Variants in RBM19 observed in about 807,000 individuals in gnomAD.
RBM19 encodes RNA binding motif protein 19.
Under a neutral mutation model 116.8 loss-of-function variants are expected in RBM19, and 94 were observed. The ratio of observed to expected loss-of-function variants is 0.80; its 90% CI spans 0.68 to 0.95. The LOEUF is 0.95. Ranked by LOEUF, RBM19 falls within the 40% of genes least tolerant of loss-of-function variation. The probability of loss-of-function intolerance (pLI) is 0.00; values close to 1 mark genes in which losing one functional copy is unlikely to be tolerated. For missense variants in RBM19, 1,161 were observed against 1,220.7 expected (o/e 0.95, Z 0.73); for synonymous variants, 475 against 494.1 (o/e 0.96, Z 0.51).
At chr12:113,966,094 G>T in intron 1 of RBM19, 98 bp downstream of exon 1, 2 of 1,495,028 alleles carry the variant, frequency 1.3e-6, no homozygotes, top group African/African-American at 1.4e-5. Context: ...TCCTGCCCCA[G>T]AGCAAAAATT....
At chr12:113,879,771 T>TC (rs1485293853) in intron 21 of RBM19, among the ~76,000 whole-genome samples, 18 of 151,976 alleles carry the variant, frequency 1.2e-4, no homozygotes, top group African/African-American at 3.4e-4. Context: ...GCAGGAACCC[T>TC]CCTTAGCCTA....
Position 113,909,100 on chromosome 12 carries a change from G to A in RBM19, c.2558+5869C>T, listed in dbSNP as rs114495748. Among the ~76,000 whole-genome samples the A allele has an allele frequency of 1.4e-3, 213 of 152,278 alleles. 1 individual carries two copies. The highest frequency in any genetic ancestry group is 5.1e-3 in the African/African-American group (210 of 41,558). On this transcript the variant is annotated intron_variant, in intron 21 of 23. Coordinates refer to ENST00000261741, the MANE Select transcript of RBM19 (RefSeq NM_016196.4). ...CAGGAGTTAGTCAGTGGAAGAGTGT[G>A]CTGGCGTGTGCTGAAGGCCTCATTT...
intron 21 of RBM19, among the ~76,000 whole-genome samples, chr12:113,890,635 T>G (rs1477066724): frequency 6.6e-6 from 1 of 152,154 alleles, no homozygotes; most frequent in African/African-American, 2.4e-5. Context: ...AGAGACTGGT[T>G]GAAAAACAAA....
intron 22 of RBM19, among the ~76,000 whole-genome samples, chr12:113,856,214 G>T (rs11066791): frequency 1.3e-5 from 2 of 152,106 alleles, no homozygotes; most frequent in Admixed American, 1.3e-4. Context: ...AAGGGATGGA[G>T]GGGGAGGAGC....
In RBM19 at chr12:113,959,846, G is replaced by A; in HGVS notation, c.378+19C>T. 6.2e-7 allele frequency: 1 copy of A among 1,613,750 alleles called. No homozygotes were observed. ...TGCTGCCCACCCTCTCTCCTCCTTG[G>A]GCAACAGGACAGACTCACCTTCTCC... On this transcript the variant is annotated intron_variant, in intron 4 of 23. Transcript: ENST00000261741.
chr12:113,877,352 C>T (rs1462954234), intron 21 of RBM19, among the ~76,000 whole-genome samples: 1 of 152,172 alleles, frequency 6.6e-6, no homozygotes, highest in Admixed American at 6.5e-5. Context: ...GTATCTATGG[C>T]CCCCACTACC....
intron 7 of RBM19, among the ~76,000 whole-genome samples, chr12:113,952,957 A>C (rs1296238736): frequency 6.6e-6 from 1 of 152,162 alleles, no homozygotes; most frequent in Non-Finnish European, 1.5e-5. Context: ...TAGTTTTGCA[A>C]GTAGCCACCT....
In RBM19 at chr12:113,824,853, A is replaced by AGTCT. The variant is rs1389588217; in HGVS notation, c.2786-1533_2786-1532insAGAC. Reference sequence around the variant, plus strand: ...CAAGTACCTCTCAGCCCCTCACTAGAGACCCCCCTCCCACCAAGGGATCCC... The same window carrying AGTCT: ...CAAGTACCTCTCAGCCCCTCACTAGAGTCTGACCCCCCTCCCACCAAGGGATCCC... On this transcript the variant is annotated intron_variant, in intron 23 of 23. Coordinates refer to ENST00000261741, the MANE Select transcript of RBM19 (RefSeq NM_016196.4). 2.6e-5 allele frequency among the ~76,000 whole-genome samples: 4 copies of AGTCT among 152,068 alleles called. No homozygotes were observed. The East Asian group carries it at 7.8e-4, about 30-fold the overall frequency.
At chr12:113,916,687 C>G (rs1044529834) in intron 20 of RBM19, among the ~76,000 whole-genome samples, 8 of 152,196 alleles carry the variant, frequency 5.3e-5, no homozygotes, top group Non-Finnish European at 2.9e-5. Flanking sequence ...GACACTCAAG[C>G]GGTCCCAGAA....
chr12:113,869,431 G>A (rs888608042), intron 21 of RBM19, among the ~76,000 whole-genome samples: 3 of 152,204 alleles, frequency 2.0e-5, no homozygotes, highest in East Asian at 1.9e-4. Flanking sequence ...ATGGAGGCAC[G>A]ATTTCTGGCC....
At chr12:113,860,582 C>G (rs1878283734) in intron 21 of RBM19, among the ~76,000 whole-genome samples, 1 of 152,218 alleles carries the variant, frequency 6.6e-6, no homozygotes, top group Admixed American at 6.5e-5. Flanking sequence ...CATGGAAGAC[C>G]AGGCTGGGTG....
chr12:113,904,727 G>A (rs768578166), intron 21 of RBM19, among the ~76,000 whole-genome samples: 1 of 152,184 alleles, frequency 6.6e-6, no homozygotes, highest in African/African-American at 2.4e-5. Context: ...ACACAACCTT[G>A]GCATCACGAC....
At position 113,944,628 on chromosome 12, in the gene RBM19, T is replaced by A. The variant is rs537818893; in HGVS notation, c.1626+1200A>T. ...GACTGGGCCACATAGTGAGACCCCA[T>A]CTCTGCAAAACTAAAAATAAATTAG... is the stretch of plus-strand genomic sequence containing the variant. On this transcript the variant is annotated intron_variant, in intron 13 of 23. Coordinates refer to ENST00000261741, the MANE Select transcript of RBM19 (RefSeq NM_016196.4). Among the ~76,000 whole-genome samples, 10 of 152,038 alleles carry A rather than the reference T, an allele frequency of 6.6e-5. No individual in the cohort carries two copies. In the South Asian group the frequency reaches 2.1e-3, roughly 32 times the overall value.
At chr12:113,844,137 ACAC>A (rs1876740011) in intron 23 of RBM19, among the ~76,000 whole-genome samples, 1 of 152,224 alleles carries the variant, frequency 6.6e-6, no homozygotes, top group Admixed American at 6.5e-5. Flanking sequence ...AGGCCACATG[ACAC>A]CACCAAGGTG....
At chr12:113,955,027 C>G in intron 7 of RBM19, 104 bp downstream of exon 7, 1 of 1,152,756 alleles carries the variant, frequency 8.7e-7, no homozygotes, top group Non-Finnish European at 1.3e-6. Flanking sequence ...CAGCTCATGT[C>G]CTCAACCGAC....
At chr12:113,829,563 A>G (rs1236033439) in intron 23 of RBM19, among the ~76,000 whole-genome samples, 1 of 152,206 alleles carries the variant, frequency 6.6e-6, no homozygotes, top group Non-Finnish European at 1.5e-5. Context: ...TGCTGGGGAT[A>G]TGGCAGTGAA....
intron 23 of RBM19, among the ~76,000 whole-genome samples, chr12:113,842,633 G>A (rs1165130952): frequency 1.3e-5 from 2 of 152,218 alleles, no homozygotes; most frequent in East Asian, 3.9e-4. Flanking sequence ...GGGAAGGCAC[G>A]GGTCCAGAGA....
chr12:113,891,589 A>C (rs1339157096), intron 21 of RBM19, among the ~76,000 whole-genome samples: 3 of 152,228 alleles, frequency 2.0e-5, no homozygotes, highest in Non-Finnish European at 4.4e-5. Flanking sequence ...TTGAGGATAT[A>C]GTAAGTCTCT....
chr12:113,927,591 C>CAAAAAAAA (rs764020256), intron 16 of RBM19, among the ~76,000 whole-genome samples: 5 of 62,992 alleles, frequency 7.9e-5, no homozygotes, highest in Non-Finnish European at 7.2e-5. Context: ...CCTCAAAAAA[C>CAAAAAAAA]AAAAAAAAAA....
Sources: allele counts gnomAD v4.1 joint callset (sites outside exome capture counted in the v4.1 genomes callset), GRCh38; gene constraint gnomAD v4.1.1; transcripts MANE v1.5; gene names NCBI Gene and HGNC (gene_info 2026-07-23, HGNC 2026-07-21).